ARNT2: variants seen among roughly 807,000 people sequenced by gnomAD.
The protein encoded by ARNT2 is aryl hydrocarbon receptor nuclear translocator 2, also known as ARNT protein 2.
Under a neutral mutation model 91.7 loss-of-function variants are expected in ARNT2, and 36 were observed. The ratio of observed to expected loss-of-function variants is 0.39; its 90% CI spans 0.30 to 0.52. ARNT2 has a LOEUF of 0.52. ARNT2 is among the 20% of genes least tolerant of loss of function. The probability of loss-of-function intolerance (pLI) is 0.72; values close to 1 mark genes in which losing one functional copy is unlikely to be tolerated. For synonymous variants in ARNT2, 365 were observed against 347.1 expected, an observed-to-expected ratio of 1.05 and a Z score of -0.57; for missense variants, 775 against 939.3, an observed-to-expected ratio of 0.83 and a Z score of 2.29.
intron 8 of ARNT2, among the ~76,000 whole-genome samples, chr15:80,520,055 G>A (rs577479203): frequency 6.6e-6 from 1 of 151,104 alleles, no homozygotes; most frequent in East Asian, 1.9e-4. Context: ...CAAATGGAAG[G>A]CAGGTTTGCA....
At chr15:80,491,774 T>G (rs2141411916) in intron 5 of ARNT2, among the ~76,000 whole-genome samples, 2 of 149,088 alleles carry the variant, frequency 1.3e-5, no homozygotes, top group East Asian at 4.0e-4. Flanking sequence ...CAAATACATC[T>G]CATTTACTTC....
At chr15:80,499,181 A>G (rs188564500) in intron 5 of ARNT2, among the ~76,000 whole-genome samples, 146 of 152,312 alleles carry the variant, frequency 9.6e-4, no homozygotes, top group African/African-American at 3.4e-3. Context: ...TATTATCATC[A>G]TGTCCCAGCA....
chr15:80,492,413 A>G (rs1191515945), intron 5 of ARNT2, among the ~76,000 whole-genome samples: 1 of 150,858 alleles, frequency 6.6e-6, no homozygotes, highest in Non-Finnish European at 1.5e-5. Context: ...CCTCTTTTCC[A>G]GTCTCTCGGG....
rs1486880107 is a variant in ARNT2, at chr15:80,505,924, G to GTTTTTTTTTTTTTTTTTTTTTT, written c.623-2230_623-2229insTTTTTTTTTTTTTTTTTTTTTT. 4.2e-4 allele frequency among the ~76,000 whole-genome samples: 30 copies of GTTTTTTTTTTTTTTTTTTTTTT among 71,184 alleles called. 2 individuals carry two copies. The highest frequency in any genetic ancestry group is 1.8e-3 in the African/African-American group (28 of 15,234). The allele number at this position is 71,184 out of a possible 152,430, so 46.7% of individuals were successfully genotyped here. ...AAAGAAAAAATGATTCCCAACATTT[G>GTTTTTTTTTTTTTTTTTTTTTT]TTGTTTTTTTTTTTTTTTTTTTTGA... On this transcript the variant is annotated intron_variant, in intron 5 of 18. Transcript: ENST00000303329.
At chr15:80,503,658 C>T (rs1053233868) in intron 5 of ARNT2, among the ~76,000 whole-genome samples, 3 of 152,136 alleles carry the variant, frequency 2.0e-5, no homozygotes, top group Non-Finnish European at 4.4e-5. Context: ...CTAACATGGC[C>T]GTAAAAAGAT....
intron 5 of ARNT2, among the ~76,000 whole-genome samples, chr15:80,476,465 C>T (rs1265418173): frequency 2.0e-5 from 3 of 152,224 alleles, no homozygotes; most frequent in Non-Finnish European, 4.4e-5. Flanking sequence ...ATTGTTGAAA[C>T]AAGAGTTATA....
chr15:80,565,635 G>C (rs780704176), intron 12 of ARNT2, among the ~76,000 whole-genome samples: 5 of 151,652 alleles, frequency 3.3e-5, no homozygotes, highest in Admixed American at 6.6e-5. Flanking sequence ...GGTTAGCGAT[G>C]ATGAGCATTT....
chr15:80,521,763 A>T (rs1418190735), intron 8 of ARNT2, among the ~76,000 whole-genome samples: 1 of 152,166 alleles, frequency 6.6e-6, no homozygotes, highest in Admixed American at 6.5e-5. Context: ...AAAAATCATG[A>T]ATTCTAAGAA....
At chr15:80,424,167 T>C (rs957690921) in intron 1 of ARNT2, among the ~76,000 whole-genome samples, 2 of 152,126 alleles carry the variant, frequency 1.3e-5, no homozygotes, top group Admixed American at 6.5e-5. Flanking sequence ...GATCTGGGCA[T>C]GTATACACCC....
intron 5 of ARNT2, among the ~76,000 whole-genome samples, chr15:80,486,423 G>C (rs1303563131): frequency 6.6e-6 from 1 of 152,230 alleles, no homozygotes; most frequent in South Asian, 2.1e-4. Context: ...AACCAACAAG[G>C]GGAGTTGATC....
chr15:80,474,779 A>T (rs769179478), intron 4 of ARNT2, among the ~76,000 whole-genome samples: 4 of 151,824 alleles, frequency 2.6e-5, no homozygotes, highest in Non-Finnish European at 5.9e-5. Flanking sequence ...CCAACAAAGG[A>T]CTAATGAAGA....
At chr15:80,528,454 T>A (rs1897678709) in intron 8 of ARNT2, among the ~76,000 whole-genome samples, 1 of 152,138 alleles carries the variant, frequency 6.6e-6, no homozygotes, top group Non-Finnish European at 1.5e-5. Context: ...CTATCTGTCA[T>A]CTACTGACAT....
At chr15:80,405,069 C>T (rs1895579542) in intron 1 of ARNT2, among the ~76,000 whole-genome samples, 1 of 152,164 alleles carries the variant, frequency 6.6e-6, no homozygotes, top group Non-Finnish European at 1.5e-5. Flanking sequence ...GCTGTGTGTC[C>T]TAACCCTCCG....
Position 80,597,869 on chromosome 15 carries a change from A to G in ARNT2, c.*4171A>G, listed in dbSNP as rs1893402245. 6.5e-6 allele frequency: 1 copy of G among 152,772 alleles called. No homozygotes were observed. Among genetic ancestry groups the G allele is most frequent in the Non-Finnish European group, 1.5e-5 (1 of 68,116 alleles). 9.5% of individuals were successfully genotyped at this position (152,772 alleles called of 1,614,324 possible). The stretch of plus-strand genomic sequence containing the variant: ...AACAGTTATTAAGTCGGTTGTGTAT[A>G]TGTGTAACTAATGTAACTGCCTTTT... On this transcript the variant is annotated 3_prime_UTR_variant, in exon 19 of 19. Coordinates refer to ENST00000303329, the MANE Select transcript of ARNT2 (RefSeq NM_014862.4).
At position 80,577,818 on chromosome 15, in the gene ARNT2, T is replaced by G. The variant is rs79443211; in HGVS notation, c.1613+853T>G. On this transcript the variant is annotated intron_variant, in intron 15 of 18. Coordinates refer to ENST00000303329, the MANE Select transcript of ARNT2 (RefSeq NM_014862.4). ...CAAGGACAGACCTCCTGGAGACAGA[T>G]TAGCAGACATTGCAGGGGCTCTGGC... 9.4e-4 allele frequency among the ~76,000 whole-genome samples: 143 copies of G among 152,336 alleles called. 4 individuals are homozygous for G. In the East Asian group the frequency reaches 0.026, roughly 28 times the overall value.
At chr15:80,445,866 G>T (rs1654177763) in intron 1 of ARNT2, among the ~76,000 whole-genome samples, 1 of 152,056 alleles carries the variant, frequency 6.6e-6, no homozygotes, top group Admixed American at 6.6e-5. Context: ...GGGGTGCTGA[G>T]GAGTCCAGAG....
chr15:80,447,431 G>A (rs959598870), intron 1 of ARNT2, among the ~76,000 whole-genome samples: 2 of 152,210 alleles, frequency 1.3e-5, no homozygotes, highest in South Asian at 2.1e-4. Context: ...TTCTCTTGGT[G>A]AGTGAAATTC....
At chr15:80,453,926 C>G (rs1286588413) in intron 2 of ARNT2, among the ~76,000 whole-genome samples, 1 of 152,188 alleles carries the variant, frequency 6.6e-6, no homozygotes, top group Non-Finnish European at 1.5e-5. Flanking sequence ...TCCCAAATTT[C>G]CAGGATAACC....
chr15:80,423,776 CAGAGAGAG>C (rs3054951), intron 1 of ARNT2, among the ~76,000 whole-genome samples: 1 of 148,614 alleles, frequency 6.7e-6, no homozygotes, highest in East Asian at 2.0e-4. Context: ...GAGAAAGAGG[CAGAGAGAG>C]AGAGAGAGAG....
Sources: gnomAD v4.1 joint callset for allele counts (sites outside exome capture counted in the v4.1 genomes callset) on GRCh38, gnomAD v4.1.1 for gene constraint, MANE v1.5 for transcripts, NCBI Gene and HGNC (gene_info 2026-07-23, HGNC 2026-07-21) for gene names.